INPP4B: variants seen among roughly 807,000 people sequenced by gnomAD.
INPP4B encodes the protein inositol polyphosphate 4-phosphatase type II.
A neutral mutation model predicts 122.5 loss-of-function variants in INPP4B; 55 were observed. The ratio of observed to expected loss-of-function variants is 0.45; its 90% CI spans 0.36 to 0.56. The LOEUF is 0.56. INPP4B is among the 20% of genes least tolerant of loss of function. The pLI is 0.00. For missense variants in INPP4B, 1,000 were observed against 1,097.7 expected (o/e 0.91, Z 1.26); for synonymous variants, 403 against 388.7 (o/e 1.04, Z -0.43).
At chr4:142,179,414 A>G (rs1477012446) in intron 15 of INPP4B, among the ~76,000 whole-genome samples, 1 of 144,554 alleles carries the variant, frequency 6.9e-6, no homozygotes, top group African/African-American at 2.5e-5. Context: ...TGGAGGTTGC[A>G]GTGAGCCAAG....
At chr4:142,508,171 G>A (rs13149181) in intron 2 of INPP4B, among the ~76,000 whole-genome samples, 8 of 152,124 alleles carry the variant, frequency 5.3e-5, no homozygotes, top group East Asian at 1.9e-4. Context: ...TAACTTCCAC[G>A]AGCTCCAATT....
intron 2 of INPP4B, among the ~76,000 whole-genome samples, chr4:142,621,602 C>T (rs979127551): frequency 2.6e-5 from 4 of 151,940 alleles, no homozygotes; most frequent in African/African-American, 9.7e-5. Context: ...CAACTTCACT[C>T]TCTTCTCACT....
At chr4:142,368,640 T>C (rs1301283968) in intron 7 of INPP4B, among the ~76,000 whole-genome samples, 1 of 151,956 alleles carries the variant, frequency 6.6e-6, no homozygotes, top group South Asian at 2.1e-4. Context: ...TACCCAGTAC[T>C]CAGTGTTGAA....
chr4:142,698,603 G>A (rs992422891), intron 2 of INPP4B, among the ~76,000 whole-genome samples: 2 of 152,172 alleles, frequency 1.3e-5, no homozygotes, highest in African/African-American at 4.8e-5. Flanking sequence ...GGTCTACTGA[G>A]GAATCTGGGT....
intron 22 of INPP4B, among the ~76,000 whole-genome samples, chr4:142,111,901 G>A (rs758600895): frequency 3.6e-4 from 54 of 151,436 alleles, no homozygotes; most frequent in Admixed American, 7.2e-4. Context: ...TCACCACCAC[G>A]CCTGGCTAAT....
At chr4:142,271,494 G>C (rs1157974540) in intron 9 of INPP4B, among the ~76,000 whole-genome samples, 1 of 152,184 alleles carries the variant, frequency 6.6e-6, no homozygotes. Context: ...ATAGAAAAGA[G>C]TATAAATATT....
chr4:142,141,829 A>G (rs1807997351), intron 18 of INPP4B, among the ~76,000 whole-genome samples: 1 of 152,120 alleles, frequency 6.6e-6, no homozygotes, highest in Non-Finnish European at 1.5e-5. Flanking sequence ...ATACAGCAGC[A>G]AAACAAACAC....
chr4:142,255,853 C>G (rs1166796061), intron 11 of INPP4B, among the ~76,000 whole-genome samples: 1 of 150,830 alleles, frequency 6.6e-6, no homozygotes, highest in East Asian at 2.0e-4. Flanking sequence ...ACCAAGCAGA[C>G]CTAATAGACA....
chr4:142,546,450 T>TA (rs1223781380), intron 2 of INPP4B, among the ~76,000 whole-genome samples: 1 of 152,168 alleles, frequency 6.6e-6, no homozygotes, highest in Non-Finnish European at 1.5e-5. Flanking sequence ...AAGATACCAC[T>TA]AAGGAATGAC....
intron 7 of INPP4B, among the ~76,000 whole-genome samples, chr4:142,351,052 C>T (rs369035702): frequency 1.3e-5 from 2 of 152,022 alleles, no homozygotes; most frequent in African/African-American, 4.8e-5. Flanking sequence ...GCCCAAGGAG[C>T]AGCTGCTCCT....
chr4:142,451,458 C>T (rs1814204783), intron 3 of INPP4B, among the ~76,000 whole-genome samples: 1 of 151,840 alleles, frequency 6.6e-6, no homozygotes, highest in South Asian at 2.1e-4. Context: ...AACATGTTGG[C>T]CAGGCTGGTC....
chr4:142,146,604 A>C (rs544208554), intron 17 of INPP4B, among the ~76,000 whole-genome samples: 3 of 152,254 alleles, frequency 2.0e-5, no homozygotes, highest in African/African-American at 7.2e-5. Context: ...GAATTTGACT[A>C]TTCTAGGTAC....
intron 25 of INPP4B, among the ~76,000 whole-genome samples, chr4:142,042,434 G>A (rs763153013): frequency 3.0e-4 from 45 of 152,050 alleles, no homozygotes; most frequent in Non-Finnish European, 1.2e-4. Context: ...TTTATCTACA[G>A]CCTCTTTCTG....
intron 8 of INPP4B, among the ~76,000 whole-genome samples, chr4:142,312,078 T>A (rs748842926): frequency 2.0e-5 from 3 of 152,234 alleles, no homozygotes; most frequent in Non-Finnish European, 4.4e-5. Context: ...AATAGGCATG[T>A]CACAGGATAC....
chr4:142,398,775 T>A (rs142216075), intron 7 of INPP4B, among the ~76,000 whole-genome samples: 9 of 152,100 alleles, frequency 5.9e-5, no homozygotes, highest in Admixed American at 5.2e-4. Context: ...TCTTGATAAC[T>A]TTTTCTGAAA....
chr4:142,220,063 T>C (rs1181533172), intron 12 of INPP4B, among the ~76,000 whole-genome samples: 2 of 152,232 alleles, frequency 1.3e-5, no homozygotes, highest in Non-Finnish European at 2.9e-5. Flanking sequence ...ATGAATGTTC[T>C]TTTGGACAAT....
intron 10 of INPP4B, among the ~76,000 whole-genome samples, chr4:142,269,195 A>T (rs1468225640): frequency 6.6e-6 from 1 of 152,166 alleles, no homozygotes; most frequent in Non-Finnish European, 1.5e-5. Flanking sequence ...GGAATGCATA[A>T]TTGACTATTC....
chr4:142,806,415 C>G (rs2151105137), intron 1 of INPP4B, among the ~76,000 whole-genome samples: 1 of 151,150 alleles, frequency 6.6e-6, no homozygotes, highest in Non-Finnish European at 1.5e-5. Flanking sequence ...AAAGAAACAC[C>G]TTTCTCTAAA....
chr4:142,835,679 G>T (rs1441418), intron 1 of INPP4B, among the ~76,000 whole-genome samples: 67,312 of 151,960 alleles, frequency 0.44, 16,679 homozygotes, highest in African/African-American at 0.68. Flanking sequence ...CATTGTGTTT[G>T]GTTGTTATAC....
Sources: allele counts gnomAD v4.1 joint callset (sites outside exome capture counted in the v4.1 genomes callset), GRCh38; gene constraint gnomAD v4.1.1; transcripts MANE v1.5; gene names NCBI Gene and HGNC (gene_info 2026-07-23, HGNC 2026-07-21).